PCDHA6: variants seen among roughly 807,000 people sequenced by gnomAD.
PCDHA6 encodes protocadherin alpha-6.
In PCDHA6, 55 loss-of-function variants were observed where a neutral mutation model predicts 60.3. That is an observed-to-expected ratio of 0.91 (90% CI 0.73 to 1.14). The LOEUF (loss-of-function observed/expected upper bound fraction) is 1.14, where lower values mean the gene tolerates loss of function less well. PCDHA6 is among the 50% of genes most tolerant of loss of function. The pLI is 0.00. For synonymous variants in PCDHA6, 652 were observed against 557.9 expected, an observed-to-expected ratio of 1.17 and a Z score of -2.38; for missense variants, 1,327 against 1,256.5, an observed-to-expected ratio of 1.06 and a Z score of -0.85.
chr5:140,832,991 T>A (rs1772239778), intron 1 of PCDHA6, among the ~76,000 whole-genome samples: 1 of 152,170 alleles, frequency 6.6e-6, no homozygotes, highest in African/African-American at 2.4e-5. Flanking sequence ...TGAGGAATAG[T>A]CCACTTTGGG....
intron 1 of PCDHA6, chr5:140,882,353 G>A (rs782054546): frequency 2.5e-6 from 4 of 1,614,174 alleles, no homozygotes; most frequent in Non-Finnish European, 3.4e-6. Flanking sequence ...GACGGGTAGT[G>A]GCCAGCTCCA....
At chr5:140,891,504 A>G (rs1225432214) in intron 1 of PCDHA6, among the ~76,000 whole-genome samples, 1 of 151,662 alleles carries the variant, frequency 6.6e-6, no homozygotes, top group Non-Finnish European at 1.5e-5. Context: ...CTCAGCTATA[A>G]TGTTCTCCAA....
chr5:140,886,189 G>A (rs2060889525), intron 1 of PCDHA6, among the ~76,000 whole-genome samples: 1 of 152,090 alleles, frequency 6.6e-6, no homozygotes. Context: ...ATGCTGGCAA[G>A]CAGTAATCTG....
chr5:140,939,673 T>C (rs1235567287), intron 1 of PCDHA6, among the ~76,000 whole-genome samples: 1 of 152,196 alleles, frequency 6.6e-6, no homozygotes, highest in African/African-American at 2.4e-5. Context: ...CCAACTTGTA[T>C]GTATGTGTGT....
Position 140,829,719 on chromosome 5 carries a change from C to G in PCDHA6, c.1628C>G (p.Pro543Arg), listed in dbSNP as rs2150173312. The G allele has an allele frequency of 2.6e-5, 42 of 1,613,424 alleles. No individual in the cohort carries two copies. Among genetic ancestry groups the G allele is most frequent in the Non-Finnish European group, 3.3e-5 (39 of 1,179,878 alleles). Reference sequence around the variant, plus strand: ...GTGAGCGCGCGCGACGCGGGCGTGCCGCCTCTGGGCAGCAACGTGACGCTG... The same window carrying G: ...GTGAGCGCGCGCGACGCGGGCGTGCGGCCTCTGGGCAGCAACGTGACGCTG... Reference protein sequence around the residue: ...FQVSARDAGVPPLGSNVTLQV... With the variant: ...FQVSARDAGVRPLGSNVTLQV... Residue 543 changes from proline to arginine, a missense_variant, in exon 1 of 4, where the codon CCG becomes CGG. Transcript: ENST00000529310.
intron 1 of PCDHA6, chr5:140,869,865 T>C (rs782263076): frequency 6.2e-7 from 1 of 1,610,308 alleles, no homozygotes; most frequent in Non-Finnish European, 8.5e-7. Context: ...TTATGGAAAA[T>C]GCTGCTAAAG....
intron 1 of PCDHA6, among the ~76,000 whole-genome samples, chr5:140,898,316 G>T (rs1487888782): frequency 6.6e-6 from 1 of 152,168 alleles, no homozygotes; most frequent in Non-Finnish European, 1.5e-5. Flanking sequence ...GGTTTTTATG[G>T]TTTTGGGTCT....
At chr5:140,997,918 A>G (rs2097790482) in intron 3 of PCDHA6, among the ~76,000 whole-genome samples, 1 of 152,220 alleles carries the variant, frequency 6.6e-6, no homozygotes, top group South Asian at 2.1e-4. Context: ...TTACAGAATC[A>G]TAGGATATAA....
intron 1 of PCDHA6, chr5:140,863,472 T>C: frequency 2.0e-6 from 1 of 490,440 alleles, no homozygotes; most frequent in Non-Finnish European, 4.0e-6. Context: ...CTCTGGAGAG[T>C]CGCCTCCCAA....
chr5:140,986,042 C>T (rs1344724281), intron 3 of PCDHA6, among the ~76,000 whole-genome samples: 1 of 152,104 alleles, frequency 6.6e-6, no homozygotes, highest in Admixed American at 6.5e-5. Context: ...CCTGGCCTCA[C>T]TGATGAATTC....
chr5:140,858,487 C>G (rs896590695), intron 1 of PCDHA6: 5 of 1,499,788 alleles, frequency 3.3e-6, no homozygotes, highest in Non-Finnish European at 4.5e-6. Flanking sequence ...ATAATATTTT[C>G]TCTTACCGCA....
At chr5:140,943,376 C>G (rs2093486935) in intron 1 of PCDHA6, among the ~76,000 whole-genome samples, 1 of 150,084 alleles carries the variant, frequency 6.7e-6, no homozygotes, top group Non-Finnish European at 1.5e-5. Flanking sequence ...TTAAAATATA[C>G]AGGTAAGAAA....
intron 1 of PCDHA6, chr5:140,858,018 C>G (rs1562532510): frequency 6.3e-7 from 1 of 1,596,908 alleles, no homozygotes; most frequent in Non-Finnish European, 8.6e-7. Flanking sequence ...GGCGAGCCGT[C>G]GCTGACGGCC....
intron 1 of PCDHA6, chr5:140,836,693 G>A: frequency 1.2e-6 from 2 of 1,613,422 alleles, no homozygotes; most frequent in African/African-American, 2.7e-5. Flanking sequence ...CAGACCTCAT[G>A]GCCTTCAGTC....
chr5:140,891,904 T>A (rs1429453216), intron 1 of PCDHA6, among the ~76,000 whole-genome samples: 3 of 152,212 alleles, frequency 2.0e-5, no homozygotes, highest in Non-Finnish European at 4.4e-5. Flanking sequence ...AAGAAGATCT[T>A]CACCAGATGC....
chr5:140,875,290 A>T (rs1321351883), intron 1 of PCDHA6: 20 of 1,396,906 alleles, frequency 1.4e-5, no homozygotes, highest in East Asian at 7.6e-5. Context: ...AAACAGGAAA[A>T]TTTTTTTCTC....
In PCDHA6 at chr5:140,949,530, A is replaced by G. The variant is rs535959568; in HGVS notation, c.2395-29419A>G. Among the ~76,000 whole-genome samples, 8 of 151,972 alleles carry G rather than the reference A, an allele frequency of 5.3e-5. No homozygotes were observed. The South Asian group carries it at 1.7e-3, about 31-fold the overall frequency. On this transcript the variant is annotated intron_variant, in intron 1 of 3. Coordinates refer to ENST00000529310, the MANE Select transcript of PCDHA6 (RefSeq NM_018909.4). ...GATTTATTGATCCTTTTATCTTCATAAAATATCGATTTGTTGCTGGTCATA... is the reference window on the plus strand; with the variant it reads ...GATTTATTGATCCTTTTATCTTCATGAAATATCGATTTGTTGCTGGTCATA...
intron 1 of PCDHA6, among the ~76,000 whole-genome samples, chr5:140,941,846 C>T (rs2093181493): frequency 6.6e-6 from 1 of 152,178 alleles, no homozygotes; most frequent in Non-Finnish European, 1.5e-5. Flanking sequence ...CTGCCATTAC[C>T]TGATATTCCC....
Position 140,869,207 on chromosome 5 carries a change from T to C in PCDHA6, c.2394+38722T>C, listed in dbSNP as rs781925229. ...GGGAGCGGCCAGCTCCACTACTCCG[T>C]CTCGGAGGAGGCCAAACACGGCACC... On this transcript the variant is annotated intron_variant, in intron 1 of 3. Transcript: ENST00000529310. 3.7e-6 allele frequency: 6 copies of C among 1,613,842 alleles called. No homozygotes were observed. The African/African-American group carries it at 5.3e-5, about 14-fold the overall frequency.
Sources: gnomAD v4.1 joint callset for allele counts (sites outside exome capture counted in the v4.1 genomes callset) on GRCh38, gnomAD v4.1.1 for gene constraint, MANE v1.5 for transcripts, NCBI Gene and HGNC (gene_info 2026-07-23, HGNC 2026-07-21) for gene names.